Variants in TBC1D1 observed in about 807,000 individuals in gnomAD.
TBC1D1 encodes TBC1 (tre-2/USP6, BUB2, cdc16) domain family, member 1.
In TBC1D1, 89 loss-of-function variants were observed where a neutral mutation model predicts 125.6. The observed-to-expected ratio is 0.71, with a 90% CI of 0.60 to 0.85. The LOEUF (loss-of-function observed/expected upper bound fraction) is 0.85. TBC1D1 is among the 40% of genes least tolerant of loss of function. The pLI is 0.00. For missense variants in TBC1D1, 1,377 were observed against 1,469.2 expected, an observed-to-expected ratio of 0.94 and a Z score of 1.03; for synonymous variants, 565 against 564.1, an observed-to-expected ratio of 1.00 and a Z score of -0.02.
chr4:38,096,059 C>T lies in TBC1D1; in HGVS notation c.2367C>T (p.Asp789=). ...CAGGAAGATCAAAAATTAAGTTTGACATGGAAAAAATGCACTCGGCTGTTG... is the reference window on the plus strand; with the variant it reads ...CAGGAAGATCAAAAATTAAGTTTGATATGGAAAAAATGCACTCGGCTGTTG... Residue 789 remains aspartate (D), a synonymous_variant, in exon 14 of 20, where the codon GAC becomes GAT. Coordinates refer to ENST00000261439, the MANE Select transcript of TBC1D1 (RefSeq NM_015173.4). The T allele has an allele frequency of 6.2e-7, 1 of 1,613,096 alleles. No homozygotes were observed. The highest frequency in any genetic ancestry group is 1.1e-5 in the South Asian group (1 of 90,956).
intron 12 of TBC1D1, among the ~76,000 whole-genome samples, chr4:38,081,472 C>T (rs1756544757): frequency 6.6e-6 from 1 of 152,110 alleles, no homozygotes; most frequent in Non-Finnish European, 1.5e-5. Flanking sequence ...GCGAGGAGCC[C>T]CTGGGAAAAT....
intron 2 of TBC1D1, among the ~76,000 whole-genome samples, chr4:37,932,498 A>T (rs1028906744): frequency 3.3e-5 from 5 of 152,244 alleles, no homozygotes; most frequent in African/African-American, 1.2e-4. Context: ...CCCCTTATGA[A>T]CAAGGATTAT....
chr4:37,926,634 A>G (rs10517452), intron 2 of TBC1D1, among the ~76,000 whole-genome samples: 58,151 of 152,022 alleles, frequency 0.38, 11,584 homozygotes, highest in East Asian at 0.67. Flanking sequence ...CCTCAATTCA[A>G]TACATATCTT....
At chr4:38,121,874 G>A (rs1169760432) in intron 17 of TBC1D1, among the ~76,000 whole-genome samples, 2 of 152,046 alleles carry the variant, frequency 1.3e-5, no homozygotes, top group Non-Finnish European at 2.9e-5. Context: ...GCCAAAAAAC[G>A]GTACAAATGC....
chr4:37,901,188 A>G (rs1264792253), intron 1 of TBC1D1, among the ~76,000 whole-genome samples: 3 of 151,412 alleles, frequency 2.0e-5, no homozygotes, highest in Non-Finnish European at 4.4e-5. Flanking sequence ...AAAGAGTCTC[A>G]CTCTGTTGTC....
intron 18 of TBC1D1, among the ~76,000 whole-genome samples, chr4:38,125,675 G>C (rs1347719664): frequency 3.3e-5 from 5 of 152,044 alleles, no homozygotes; most frequent in Non-Finnish European, 7.4e-5. Context: ...GTATACAATA[G>C]AACCATTATC....
At chr4:37,898,821 G>A (rs534003931) in intron 1 of TBC1D1, among the ~76,000 whole-genome samples, 1 of 152,258 alleles carries the variant, frequency 6.6e-6, no homozygotes, top group South Asian at 2.1e-4. Context: ...TTTGTGGCAG[G>A]GATTATATTC....
intron 2 of TBC1D1, among the ~76,000 whole-genome samples, chr4:37,998,431 C>T (rs1017091031): frequency 4.6e-5 from 7 of 152,202 alleles, no homozygotes; most frequent in Non-Finnish European, 7.3e-5. Context: ...ACCTCGCAGT[C>T]CTCAGCTGTC....
At chr4:38,023,243 CAAA>C (rs71658750) in intron 6 of TBC1D1, among the ~76,000 whole-genome samples, 4 of 76,508 alleles carry the variant, frequency 5.2e-5, no homozygotes, top group Admixed American at 4.6e-4. Context: ...CGAGATGTCT[CAAA>C]AAAAAAAAAA....
intron 7 of TBC1D1, among the ~76,000 whole-genome samples, chr4:38,028,130 C>A (rs11945437): frequency 0.1 from 15,093 of 150,236 alleles, 2,275 homozygotes; most frequent in African/African-American, 0.33. Context: ...AACAAACAAA[C>A]AAAAAAAACA....
intron 14 of TBC1D1, among the ~76,000 whole-genome samples, chr4:38,101,962 C>T (rs1048615598): frequency 1.3e-5 from 2 of 151,936 alleles, no homozygotes; most frequent in African/African-American, 4.8e-5. Flanking sequence ...ACCTTGATTG[C>T]TCAGTTAGAA....
intron 7 of TBC1D1, among the ~76,000 whole-genome samples, chr4:38,033,202 A>G (rs966012547): frequency 6.6e-6 from 1 of 152,218 alleles, no homozygotes; most frequent in Non-Finnish European, 1.5e-5. Context: ...GCCCTTTAAA[A>G]TATTTTGAAA....
chr4:38,045,532 G>A (rs1464215528), intron 9 of TBC1D1, among the ~76,000 whole-genome samples: 1 of 152,154 alleles, frequency 6.6e-6, no homozygotes, highest in African/African-American at 2.4e-5. Flanking sequence ...GAGTGGGCTT[G>A]AGCACTTGAT....
At chr4:38,090,865 G>A (rs1173214391) in intron 13 of TBC1D1, among the ~76,000 whole-genome samples, 1 of 152,186 alleles carries the variant, frequency 6.6e-6, no homozygotes, top group Non-Finnish European at 1.5e-5. Flanking sequence ...CCCTGCCATT[G>A]CCCCAGAACA....
chr4:38,053,635 A>C (rs1428924597), intron 11 of TBC1D1, among the ~76,000 whole-genome samples: 3 of 152,258 alleles, frequency 2.0e-5, no homozygotes, highest in Admixed American at 6.5e-5. Context: ...AATAGGAGAA[A>C]ACATTTATGA....
At chr4:38,097,357 T>A (rs902447194) in intron 14 of TBC1D1, among the ~76,000 whole-genome samples, 3 of 144,800 alleles carry the variant, frequency 2.1e-5, no homozygotes, top group Non-Finnish European at 4.5e-5. Context: ...TTTTTTTTTT[T>A]AAGACAGAGT....
chr4:38,074,762 CTCTT>C (rs1285906564), intron 12 of TBC1D1, among the ~76,000 whole-genome samples: 3 of 141,204 alleles, frequency 2.1e-5, no homozygotes, highest in Non-Finnish European at 3.1e-5. Context: ...TAGTCTCTCT[CTCTT>C]TTTTTTTTTT....
At chr4:37,990,285 C>T (rs1165104328) in intron 2 of TBC1D1, among the ~76,000 whole-genome samples, 1 of 150,782 alleles carries the variant, frequency 6.6e-6, no homozygotes, top group Non-Finnish European at 1.5e-5. Flanking sequence ...GAATGTGGCC[C>T]AAAAAAGATT....
Position 38,058,285 on chromosome 4 carries a change from G to C in TBC1D1, c.2050+3947G>C, listed in dbSNP as rs567703825. ...ATGCCAGAGCCCTCCACTGTGGTCT[G>C]TGACCACTTTGACCCACACTAGCAG... is the stretch of plus-strand genomic sequence containing the variant. On this transcript the variant is annotated intron_variant, in intron 12 of 19. Transcript: ENST00000261439. Among the ~76,000 whole-genome samples, 13 of 152,320 alleles carry C rather than the reference G, an allele frequency of 8.5e-5. No individual in the cohort carries two copies. In the South Asian group the frequency reaches 2.7e-3, roughly 32 times the overall value.
Sources: allele counts gnomAD v4.1 joint callset (sites outside exome capture counted in the v4.1 genomes callset), GRCh38; gene constraint gnomAD v4.1.1; transcripts MANE v1.5; gene names NCBI Gene and HGNC (gene_info 2026-07-23, HGNC 2026-07-21).